EHMT1: variants seen among roughly 807,000 people sequenced by gnomAD.
EHMT1 encodes histone-lysine N-methyltransferase EHMT1.
EHMT1 carries 15 observed loss-of-function variants against 147.2 expected under a neutral mutation model. That is an observed-to-expected ratio of 0.10 (90% CI 0.07 to 0.16). The LOEUF (loss-of-function observed/expected upper bound fraction) is 0.16. EHMT1 is among the 10% of genes least tolerant of loss of function. The pLI, the probability that EHMT1 is intolerant of heterozygous loss-of-function variation, is 1.00. For synonymous variants in EHMT1, 795 were observed against 709.6 expected, an observed-to-expected ratio of 1.12 and a Z score of -1.91; for missense variants, 1,587 against 1,772.4, an observed-to-expected ratio of 0.90 and a Z score of 1.88.
At position 137,776,732 on chromosome 9, in the gene EHMT1, A is replaced by C; in HGVS notation, c.1906A>C (p.Lys636Gln). ...YCPHCGEESS[K>Q]AKEVTIAKAD... The stretch of plus-strand genomic sequence containing the variant: ...TCCCCACTGTGGGGAGGAGAGCTCC[A>C]AGGCCAAAGAGGTGACGATAGCTAA... Residue 636 changes from lysine (K) to glutamine (Q), a missense_variant, in exon 12 of 27, where the codon AAG becomes CAG. By Grantham distance (53) the Lys-to-Gln change is moderately conservative (BLOSUM62 1). Coordinates refer to ENST00000460843, the MANE Select transcript of EHMT1 (RefSeq NM_024757.5). The surrounding 1 kb of genome is among the most constrained non-coding windows in gnomAD (Gnocchi z 4.4). 6.2e-7 allele frequency: 1 copy of C among 1,614,098 alleles called. No individual in the cohort carries two copies. Among genetic ancestry groups the C allele is most frequent in the Non-Finnish European group, 8.5e-7 (1 of 1,180,028 alleles).
chr9:137,751,572 G>A (rs1948971227), intron 6 of EHMT1, among the ~76,000 whole-genome samples: 1 of 152,204 alleles, frequency 6.6e-6, no homozygotes, highest in Non-Finnish European at 1.5e-5. Context: ...GGCACAGGGT[G>A]GACGGAGACT....
At chr9:137,638,898 G>A (rs371047544) in intron 1 of EHMT1, among the ~76,000 whole-genome samples, 1 of 152,164 alleles carries the variant, frequency 6.6e-6, no homozygotes, top group Non-Finnish European at 1.5e-5. Flanking sequence ...CGAGGCAGGG[G>A]ATGGCACTCC....
chr9:137,718,760 CT>C (rs780405612), intron 3 of EHMT1, among the ~76,000 whole-genome samples: 107 of 136,218 alleles, frequency 7.9e-4, no homozygotes, highest in Admixed American at 8.0e-4. Context: ...TTTTCTTTTT[CT>C]TTTTTTTTTT....
chr9:137,648,989 A>T (rs1206191964), intron 1 of EHMT1, among the ~76,000 whole-genome samples: 1 of 152,216 alleles, frequency 6.6e-6, no homozygotes, highest in Admixed American at 6.5e-5. Context: ...TTTGCCACCC[A>T]AAAAGCCAGA....
At chr9:137,814,056 G>GCCC (rs71387862) in intron 21 of EHMT1, among the ~76,000 whole-genome samples, 3 of 50,062 alleles carry the variant, frequency 6.0e-5, no homozygotes, top group African/African-American at 1.2e-4. Context: ...CACTGCCCAG[G>GCCC]CCCCCCCCCC....
chr9:137,702,631 G>A (rs998641428), intron 1 of EHMT1, among the ~76,000 whole-genome samples: 4 of 152,128 alleles, frequency 2.6e-5, no homozygotes, highest in Non-Finnish European at 4.4e-5. Flanking sequence ...TTTTCTAGGC[G>A]TGTGGTACAA....
At position 137,813,553 on chromosome 9, in the gene EHMT1, C is replaced by T. The variant is rs766760940; in HGVS notation, c.3180+23C>T. On this transcript the variant is annotated intron_variant, in intron 21 of 26. Coordinates refer to ENST00000460843, the MANE Select transcript of EHMT1 (RefSeq NM_024757.5). This position sits in a 1 kb window ranked among gnomAD's most constrained non-coding sequence, Gnocchi z 4.9. ...CAGGTGAGTGACGGCAGATGAAGGG[C>T]TGACTCAGGCCAGGACATGGGACAG... 3 of 1,613,134 alleles carry T rather than the reference C, an allele frequency of 1.9e-6. No homozygotes were observed. The South Asian group carries it at 3.3e-5, about 18-fold the overall frequency.
chr9:137,810,931 C>T (rs1044273804), intron 18 of EHMT1, among the ~76,000 whole-genome samples: 1 of 152,108 alleles, frequency 6.6e-6, no homozygotes, highest in Non-Finnish European at 1.5e-5. Flanking sequence ...GAACTCCTGA[C>T]CTCAGGTGAT....
rs35541714 is a variant in EHMT1 at position 137,675,802 on chromosome 9, T to TTTTTTTTTTTTTTTTTG, written c.22-35165_22-35164insTTTTTTTTTTTTTTTTG. Among the ~76,000 whole-genome samples, 32 of 104,728 alleles carry TTTTTTTTTTTTTTTTTG rather than the reference T, an allele frequency of 3.1e-4. 2 individuals are homozygous for TTTTTTTTTTTTTTTTTG. The highest frequency in any genetic ancestry group is 1.3e-3 in the African/African-American group (31 of 23,806). The allele number at this position is 104,728 out of a possible 152,430, so 68.7% of individuals were successfully genotyped here. A position where few individuals can be genotyped will look rare whatever the true frequency, so the allele number is the denominator to read the frequency against. On this transcript the variant is annotated intron_variant, in intron 1 of 26. Transcript: ENST00000460843. ...TAATTTTTTTTTTTTTTTTTTTTTT[T>TTTTTTTTTTTTTTTTTG]AGACGGAGTCTCGCTCTGTCGCCCA...
intron 2 of EHMT1, among the ~76,000 whole-genome samples, chr9:137,713,282 T>TTTTTTTTTTG (rs1944910160): frequency 7.3e-6 from 1 of 137,788 alleles, no homozygotes; most frequent in Non-Finnish European, 1.5e-5. Flanking sequence ...TTTTTTTTTT[T>TTTTTTTTTTG]TTTTTGAGAT....
chr9:137,745,056 A>G (rs372235464), intron 6 of EHMT1, among the ~76,000 whole-genome samples: 1 of 152,256 alleles, frequency 6.6e-6, no homozygotes, highest in African/African-American at 2.4e-5. Flanking sequence ...GAGTGTGTCC[A>G]ACCATGTTTA....
intron 4 of EHMT1, among the ~76,000 whole-genome samples, chr9:137,736,581 A>G (rs1461715280): frequency 6.6e-6 from 1 of 152,254 alleles, no homozygotes; most frequent in African/African-American, 2.4e-5. Flanking sequence ...AATAAGTCTC[A>G]ATGTTGATTT....
chr9:137,636,338 A>G (rs1057292149), intron 1 of EHMT1, among the ~76,000 whole-genome samples: 1 of 152,112 alleles, frequency 6.6e-6, no homozygotes, highest in Non-Finnish European at 1.5e-5. Context: ...TTTTCTATAT[A>G]TAGGATTATG....
At chr9:137,763,102 G>GTTT in intron 10 of EHMT1, 1 of 602,518 alleles carries the variant, frequency 1.7e-6, no homozygotes, top group Non-Finnish European at 2.9e-6. Flanking sequence ...TTTTGTCAAG[G>GTTT]TTTTTCCTAC....
At chr9:137,672,741 T>A (rs1376347519) in intron 1 of EHMT1, among the ~76,000 whole-genome samples, 2 of 152,168 alleles carry the variant, frequency 1.3e-5, no homozygotes, top group Non-Finnish European at 2.9e-5. Context: ...AGTCAACTCC[T>A]TAGGTTTAAT....
At chr9:137,651,631 T>G (rs962788910) in intron 1 of EHMT1, among the ~76,000 whole-genome samples, 2 of 151,938 alleles carry the variant, frequency 1.3e-5, no homozygotes, top group African/African-American at 4.8e-5. Flanking sequence ...CTACCAAAAA[T>G]AAAAATACAA....
intron 1 of EHMT1, among the ~76,000 whole-genome samples, chr9:137,669,101 C>A (rs1403877331): frequency 6.6e-6 from 1 of 152,120 alleles, no homozygotes; most frequent in African/African-American, 2.4e-5. Flanking sequence ...TGGGCAAGAT[C>A]GTCTTGAACT....
chr9:137,711,721 C>T lies in EHMT1; in HGVS notation c.85+691C>T, dbSNP rs115685693. 5.6e-3 allele frequency among the ~76,000 whole-genome samples: 847 copies of T among 152,248 alleles called. 8 individuals carry two copies. Among genetic ancestry groups the T allele is most frequent in the African/African-American group, 0.02 (821 of 41,526 alleles). ...TTCGGATGTTCTTGGAGAGCCTGCA[C>T]CACCAAGAGCGCCCCCAGGAAATGA... On this transcript the variant is annotated intron_variant, in intron 2 of 26. Coordinates refer to ENST00000460843, the MANE Select transcript of EHMT1 (RefSeq NM_024757.5).
In EHMT1 at chr9:137,765,766, C is replaced by T. The variant is rs543723324; in HGVS notation, c.1647+2946C>T. ...CTCCCACAACGCCCACTTCCAGGGT[C>T]AGTTTCACTGTTTAGGTTTGTAGCT... On this transcript the variant is annotated intron_variant, in intron 10 of 26. Transcript: ENST00000460843. 5.9e-5 allele frequency among the ~76,000 whole-genome samples: 9 copies of T among 151,400 alleles called. 1 individual carries two copies. In the South Asian group the frequency reaches 1.9e-3, roughly 32 times the overall value.
Sources: allele counts gnomAD v4.1 joint callset (sites outside exome capture counted in the v4.1 genomes callset), GRCh38; gene constraint gnomAD v4.1.1; non-coding constraint Gnocchi (gnomAD v3.1); transcripts MANE v1.5; gene names NCBI Gene and HGNC (gene_info 2026-07-23, HGNC 2026-07-21).